Variants in TARS1 observed in about 807,000 individuals in gnomAD.
The protein encoded by TARS1 is threonine--tRNA ligase 1, cytoplasmic.
In TARS1, 57 loss-of-function variants were observed where a neutral mutation model predicts 97.7. The ratio of observed to expected loss-of-function variants is 0.58; its 90% CI spans 0.47 to 0.73. The LOEUF (loss-of-function observed/expected upper bound fraction) is 0.73, where lower values mean the gene tolerates loss of function less well. Among genes scored for constraint, TARS1 ranks in the 30% least tolerant of loss-of-function variants. The probability of loss-of-function intolerance (pLI) is 0.00; values close to 1 mark genes in which losing one functional copy is unlikely to be tolerated. For synonymous variants in TARS1, 312 were observed against 293.7 expected (o/e 1.06, Z -0.64); for missense variants, 806 against 888.3 (o/e 0.91, Z 1.18).
chr5:33,450,777 A>G lies in TARS1; in HGVS notation c.329+2046A>G, dbSNP rs554267442. On this transcript the variant is annotated intron_variant, in intron 3 of 18. Coordinates refer to ENST00000265112, the MANE Select transcript of TARS1 (RefSeq NM_152295.5). ...ATCTAGATTACATTGTAATTTATCA[A>G]GTCTTCAGTTGAAAAATATTCTTCA... Among the ~76,000 whole-genome samples the G allele has an allele frequency of 1.3e-4, 20 of 152,324 alleles. No homozygotes were observed. The South Asian group carries it at 3.3e-3, about 25-fold the overall frequency.
intron 18 of TARS1, 123 bp from the exon 19 acceptor site, chr5:33,467,437 T>A: frequency 9.2e-7 from 1 of 1,082,370 alleles, no homozygotes; most frequent in African/African-American, 1.6e-5. Flanking sequence ...ACTTGTACCT[T>A]TTAATGTATC....
At chr5:33,458,214 GA>G (rs1181152988) in intron 9 of TARS1, among the ~76,000 whole-genome samples, 1 of 152,026 alleles carries the variant, frequency 6.6e-6, no homozygotes, top group Admixed American at 6.6e-5. Context: ...TAAATAAAAT[GA>G]AAAAAGATCC....
At chr5:33,449,345 G>A (rs1027889449) in intron 3 of TARS1, among the ~76,000 whole-genome samples, 7,930 of 114,544 alleles carry the variant, frequency 0.069, 281 homozygotes, top group South Asian at 0.13. Context: ...ATATACACGT[G>A]TATATATATA....
chr5:33,466,807 C>A, intron 17 of TARS1, 64 bp from the exon 18 acceptor site: 2 of 1,176,914 alleles, frequency 1.7e-6, no homozygotes, highest in South Asian at 1.6e-5. Context: ...TCAGTAAAAT[C>A]ATGTGAGATC....
At chr5:33,450,918 C>G (rs1741700404) in intron 3 of TARS1, among the ~76,000 whole-genome samples, 1 of 152,156 alleles carries the variant, frequency 6.6e-6, no homozygotes, top group Non-Finnish European at 1.5e-5. Context: ...AGTTCAAGAC[C>G]AGCCTGGCCA....
intron 2 of TARS1, chr5:33,446,588 C>G (rs1428931602): frequency 3.3e-6 from 3 of 902,788 alleles, no homozygotes; most frequent in Non-Finnish European, 4.7e-6. Flanking sequence ...TGTCCAAGAC[C>G]TTGGTCTTCC....
Position 33,454,935 on chromosome 5 carries a change from A to T in TARS1, c.454-10A>T. ...GACTCAGACCATGCCATTTTTCTTT[A>T]AATTTTCAGGTGTATTGGCACTCTA... On this transcript the variant is annotated splice_polypyrimidine_tract_variant and intron_variant, in intron 4 of 18. Coordinates refer to ENST00000265112, the MANE Select transcript of TARS1 (RefSeq NM_152295.5). 1.2e-6 allele frequency: 2 copies of T among 1,611,506 alleles called. No individual in the cohort carries two copies. Among genetic ancestry groups the T allele is most frequent in the Non-Finnish European group, 1.7e-6 (2 of 1,179,046 alleles).
At chr5:33,459,021 A>G (rs1271616699) in intron 10 of TARS1, among the ~76,000 whole-genome samples, 3 of 152,162 alleles carry the variant, frequency 2.0e-5, no homozygotes, top group African/African-American at 7.2e-5. Context: ...TATATCCAAT[A>G]TCTTGTACTT....
At chr5:33,442,557 A>G (rs1741162872) in intron 1 of TARS1, among the ~76,000 whole-genome samples, 1 of 151,826 alleles carries the variant, frequency 6.6e-6, no homozygotes, top group Admixed American at 6.6e-5. Context: ...TTTTTTTGAG[A>G]CGGAGTCTCG....
intron 17 of TARS1, among the ~76,000 whole-genome samples, chr5:33,464,040 TAC>T (rs1404455220): frequency 6.6e-6 from 1 of 152,228 alleles, no homozygotes; most frequent in African/African-American, 2.4e-5. Flanking sequence ...GTGTTTTATG[TAC>T]ACTTGTATAT....
chr5:33,451,151 T>C (rs1010852947), intron 3 of TARS1, among the ~76,000 whole-genome samples: 1 of 152,118 alleles, frequency 6.6e-6, no homozygotes, highest in African/African-American at 2.4e-5. Context: ...CATAAAACAT[T>C]GATGGGCTTT....
chr5:33,459,637 C>A (rs1052207735), intron 10 of TARS1, 58 bp from the exon 11 acceptor site: 85 of 1,585,720 alleles, frequency 5.4e-5, no homozygotes, highest in Non-Finnish European at 7.2e-5. Context: ...AGTTTTTACT[C>A]CCACTTGAAG....
At chr5:33,460,569 C>A (rs1211071650) in intron 11 of TARS1, among the ~76,000 whole-genome samples, 1 of 152,198 alleles carries the variant, frequency 6.6e-6, no homozygotes. Context: ...ACTAGCCAGG[C>A]CTGGAGGGCA....
At chr5:33,457,543 A>G in intron 9 of TARS1, 140 bp downstream of exon 9, 2 of 873,270 alleles carry the variant, frequency 2.3e-6, no homozygotes, top group South Asian at 1.8e-5. Context: ...TATGTCCTGT[A>G]CAAACTATAA....
chr5:33,446,609 C>T, intron 2 of TARS1: 1 of 1,193,604 alleles, frequency 8.4e-7, no homozygotes, highest in Non-Finnish European at 1.1e-6. Context: ...CCTCCAAGGG[C>T]AACTTGCAGG....
chr5:33,452,974 T>G (rs1217386511), intron 3 of TARS1, among the ~76,000 whole-genome samples: 2 of 151,896 alleles, frequency 1.3e-5, no homozygotes, highest in African/African-American at 2.4e-5. Context: ...AAAAAAAAAC[T>G]TATTTGTTGG....
chr5:33,445,303 A>G (rs1741356409), intron 1 of TARS1, 21 bp from the exon 2 acceptor site: 2 of 1,596,572 alleles, frequency 1.3e-6, no homozygotes, highest in African/African-American at 2.7e-5. Context: ...TTAAAATATA[A>G]AACGTTTTTT....
chr5:33,464,299 G>A (rs112111323), intron 17 of TARS1, among the ~76,000 whole-genome samples: 5,505 of 152,186 alleles, frequency 0.036, 205 homozygotes, highest in African/African-American at 0.092. Flanking sequence ...GTAAATTCCC[G>A]TTCAAAATAC....
At chr5:33,458,811 C>T in intron 10 of TARS1, 147 bp downstream of exon 10, 1 of 677,890 alleles carries the variant, frequency 1.5e-6, no homozygotes, top group South Asian at 2.1e-5. Context: ...CCTCATAAAT[C>T]ATCCCTAATA....
Sources: gnomAD v4.1 joint callset for allele counts (sites outside exome capture counted in the v4.1 genomes callset) on GRCh38, gnomAD v4.1.1 for gene constraint, MANE v1.5 for transcripts, NCBI Gene and HGNC (gene_info 2026-07-23, HGNC 2026-07-21) for gene names.